The following DTNA variants were observed in gnomAD, a reference collection of about 807,000 sequenced individuals.
The protein encoded by DTNA is dystrobrevin alpha, also known as dystrophin-related protein 3.
A neutral mutation model predicts 100.7 loss-of-function variants in DTNA; 43 were observed. The observed-to-expected ratio is 0.43, with a 90% confidence interval of 0.33 to 0.55. DTNA has a LOEUF of 0.55. DTNA is among the 20% of genes least tolerant of loss of function. DTNA has a pLI of 0.04. For synonymous variants in DTNA, 349 were observed against 347.9 expected, an observed-to-expected ratio of 1.00 and a Z score of -0.04; for missense variants, 798 against 953.9, an observed-to-expected ratio of 0.84 and a Z score of 2.15.
intron 13 of DTNA, among the ~76,000 whole-genome samples, chr18:34,842,606 A>T (rs73949009): frequency 0.029 from 4,450 of 152,070 alleles, 222 homozygotes; most frequent in African/African-American, 0.1. Flanking sequence ...ATTTTTGATC[A>T]ATTCCTCCAA....
intron 1 of DTNA, among the ~76,000 whole-genome samples, chr18:34,581,251 A>ACAAAG (rs1346565597): frequency 2.1e-5 from 3 of 144,980 alleles, no homozygotes; most frequent in African/African-American, 5.4e-5. Flanking sequence ...GGGTCTCAAA[A>ACAAAG]CAAAACAAAA....
At chr18:34,604,254 C>T (rs1467487427) in intron 1 of DTNA, among the ~76,000 whole-genome samples, 4 of 152,134 alleles carry the variant, frequency 2.6e-5, no homozygotes, top group African/African-American at 4.8e-5. Flanking sequence ...CAGTTCCTCT[C>T]CCATCATTTC....
chr18:34,885,656 C>T (rs565963645), intron 22 of DTNA, among the ~76,000 whole-genome samples: 2 of 152,142 alleles, frequency 1.3e-5, no homozygotes, highest in East Asian at 1.9e-4. Context: ...CAGAAGAGGC[C>T]GGTATTAAAA....
chr18:34,525,090 T>G (rs1601477934), intron 1 of DTNA, among the ~76,000 whole-genome samples: 1 of 152,224 alleles, frequency 6.6e-6, no homozygotes, highest in East Asian at 1.9e-4. Context: ...GTATGTTCTT[T>G]ACAGTACATA....
At chr18:34,710,547 C>T (rs1314398430) in intron 1 of DTNA, 102 bp downstream of exon 1, 3 of 152,100 alleles carry the variant, frequency 2.0e-5, no homozygotes, top group Non-Finnish European at 4.4e-5. Context: ...CCCACCCCCA[C>T]ATGGGCACCC....
intron 1 of DTNA, among the ~76,000 whole-genome samples, chr18:34,734,786 G>A (rs887252664): frequency 7.2e-5 from 11 of 152,136 alleles, no homozygotes; most frequent in Non-Finnish European, 1.6e-4. Context: ...CCTCTCAGGA[G>A]CAGTGAATCA....
At chr18:34,825,384 G>A (rs749839261) in intron 9 of DTNA, 23 of 1,351,910 alleles carry the variant, frequency 1.7e-5, no homozygotes, top group Non-Finnish European at 2.0e-5. Context: ...TTAGAACTAA[G>A]TCTTCTTATG....
intron 1 of DTNA, among the ~76,000 whole-genome samples, chr18:34,624,667 T>A (rs2057057723): frequency 1.3e-5 from 2 of 152,336 alleles, no homozygotes; most frequent in Admixed American, 1.3e-4. Flanking sequence ...TGCTGTTAAA[T>A]TCTTTTTATA....
intron 1 of DTNA, among the ~76,000 whole-genome samples, chr18:34,495,754 A>T (rs751968591): frequency 6.6e-6 from 1 of 152,184 alleles, no homozygotes; most frequent in Admixed American, 6.5e-5. Context: ...AAATTTTCTC[A>T]TTAGTTCTAA....
intron 1 of DTNA, among the ~76,000 whole-genome samples, chr18:34,604,712 C>T (rs2579806): frequency 0.11 from 16,427 of 152,110 alleles, 921 homozygotes; most frequent in African/African-American, 0.13. Flanking sequence ...ACAGTACTAC[C>T]GTTTCTCCTT....
chr18:34,875,951 G>A (rs979231130), intron 18 of DTNA, among the ~76,000 whole-genome samples: 27 of 152,298 alleles, frequency 1.8e-4, no homozygotes, highest in African/African-American at 6.3e-4. Context: ...ACTTTCCCAT[G>A]ACAGGGAGAG....
intron 1 of DTNA, among the ~76,000 whole-genome samples, chr18:34,510,060 A>C (rs1270929718): frequency 1.2e-5 from 1 of 81,348 alleles, no homozygotes; most frequent in Non-Finnish European, 2.6e-5. Context: ...CATGTGAGTG[A>C]GTGTAATTTT....
At chr18:34,835,093 C>G (rs1421051926) in intron 11 of DTNA, among the ~76,000 whole-genome samples, 1 of 152,116 alleles carries the variant, frequency 6.6e-6, no homozygotes, top group Admixed American at 6.5e-5. Flanking sequence ...TTTCATCATG[C>G]ATTTGGCCTC....
At chr18:34,601,545 A>C (rs1328340214) in intron 1 of DTNA, among the ~76,000 whole-genome samples, 3 of 152,174 alleles carry the variant, frequency 2.0e-5, no homozygotes, top group African/African-American at 7.2e-5. Context: ...GCTCTGAGGA[A>C]TTTCTACACT....
At chr18:34,581,644 C>T (rs186169005) in intron 1 of DTNA, among the ~76,000 whole-genome samples, 125 of 126,260 alleles carry the variant, frequency 9.9e-4, no homozygotes, top group African/African-American at 4.1e-3. Context: ...TTTTTTGTGA[C>T]GGAGTCTTGC....
intron 1 of DTNA, among the ~76,000 whole-genome samples, chr18:34,633,679 A>T (rs1290891335): frequency 6.6e-6 from 1 of 152,168 alleles, no homozygotes. Context: ...ACACACTCAC[A>T]CACATGCCAC....
At chr18:34,829,564 C>A in intron 11 of DTNA, 75 bp downstream of exon 11, 1 of 1,354,988 alleles carries the variant, frequency 7.4e-7, no homozygotes, top group Admixed American at 2.8e-5. Flanking sequence ...TCTACTCTGG[C>A]ACTAAAATCC....
chr18:34,777,267 A>G (rs542914384), intron 3 of DTNA, among the ~76,000 whole-genome samples: 48 of 152,348 alleles, frequency 3.2e-4, no homozygotes, highest in African/African-American at 1.1e-3. Flanking sequence ...TGTTCAAAAA[A>G]TACTTACTGA....
At chr18:34,711,824 A>C (rs2082957863) in intron 1 of DTNA, among the ~76,000 whole-genome samples, 1 of 152,206 alleles carries the variant, frequency 6.6e-6, no homozygotes, top group Non-Finnish European at 1.5e-5. Flanking sequence ...CCATGATTTC[A>C]AATAAAGAGA....
Sources: allele counts gnomAD v4.1 joint callset (sites outside exome capture counted in the v4.1 genomes callset), GRCh38; gene constraint gnomAD v4.1.1; transcripts MANE v1.5; gene names NCBI Gene and HGNC (gene_info 2026-07-23, HGNC 2026-07-21).